Variants in DAP observed in about 807,000 individuals in gnomAD.
DAP encodes death-associated protein 1.
A neutral mutation model predicts 13.8 loss-of-function variants in DAP; 8 were observed. That is an observed-to-expected ratio of 0.58 (90% confidence interval 0.34 to 1.05). The LOEUF is 1.05. DAP is among the 50% of genes least tolerant of loss of function. The pLI, the probability that DAP is intolerant of heterozygous loss-of-function variation, is 0.03. For synonymous variants in DAP, 47 were observed against 47.5 expected, an observed-to-expected ratio of 0.99 and a Z score of 0.04; for missense variants, 106 against 133.2, an observed-to-expected ratio of 0.80 and a Z score of 1.01.
chr5:10,682,406 G>A (rs914781992), intron 3 of DAP, among the ~76,000 whole-genome samples: 6 of 145,590 alleles, frequency 4.1e-5, no homozygotes, highest in African/African-American at 1.5e-4. Context: ...GTTTGTGGGT[G>A]AGGAAGCCCC....
intron 2 of DAP, among the ~76,000 whole-genome samples, chr5:10,700,079 G>C (rs921853322): frequency 6.6e-6 from 1 of 152,212 alleles, no homozygotes; most frequent in African/African-American, 2.4e-5. Flanking sequence ...TGGGGCCCTG[G>C]GTGGGCCCCT....
chr5:10,681,236 C>T (rs767756803), intron 3 of DAP, 67 bp from the exon 4 acceptor site: 17 of 1,280,138 alleles, frequency 1.3e-5, no homozygotes, highest in Admixed American at 8.6e-5. Context: ...TGAGGAAGCC[C>T]CAGGCCAGTG....
intron 2 of DAP, among the ~76,000 whole-genome samples, chr5:10,727,959 C>T (rs772652224): frequency 8.5e-5 from 13 of 152,096 alleles, no homozygotes; most frequent in Non-Finnish European, 1.6e-4. Context: ...GTTTGGGGAA[C>T]AGTGACAAGA....
At chr5:10,710,975 GGAGT>G (rs1386485254) in intron 2 of DAP, among the ~76,000 whole-genome samples, 1 of 152,224 alleles carries the variant, frequency 6.6e-6, no homozygotes, top group East Asian at 1.9e-4. Flanking sequence ...AATTTACCCT[GGAGT>G]GTGTTGTGTG....
chr5:10,733,748 T>G (rs1298365190), intron 2 of DAP: 4 of 152,258 alleles, frequency 2.6e-5, no homozygotes, highest in African/African-American at 9.6e-5. Flanking sequence ...TGCATTCACC[T>G]TTTTTCACCA....
intron 2 of DAP, among the ~76,000 whole-genome samples, chr5:10,731,968 G>T (rs1249065516): frequency 6.6e-6 from 1 of 152,204 alleles, no homozygotes; most frequent in Non-Finnish European, 1.5e-5. Context: ...TCTTCAAGGA[G>T]TCAATGTGTC....
intron 1 of DAP, among the ~76,000 whole-genome samples, chr5:10,750,468 C>T (rs1201097263): frequency 2.0e-5 from 3 of 152,162 alleles, no homozygotes; most frequent in African/African-American, 4.8e-5. Context: ...CTAAAATCTC[C>T]CTGCTGCCCG....
intron 2 of DAP, among the ~76,000 whole-genome samples, chr5:10,739,157 G>A (rs939809842): frequency 3.2e-4 from 38 of 119,944 alleles, no homozygotes; most frequent in Admixed American, 1.6e-3. Context: ...AGCCGAGATC[G>A]CACTACTGCA....
intron 1 of DAP, among the ~76,000 whole-genome samples, chr5:10,750,487 CTCAA>C (rs2111389845): frequency 6.6e-6 from 1 of 152,342 alleles, no homozygotes; most frequent in East Asian, 1.9e-4. Flanking sequence ...CGCACCTCTT[CTCAA>C]CGGAGAGGAC....
intron 2 of DAP, among the ~76,000 whole-genome samples, chr5:10,728,108 T>C (rs1394644497): frequency 6.6e-6 from 1 of 152,230 alleles, no homozygotes; most frequent in Non-Finnish European, 1.5e-5. Context: ...TGACTGTCTA[T>C]GATTAACAGG....
At chr5:10,738,300 C>CAA (rs571922275) in intron 2 of DAP, among the ~76,000 whole-genome samples, 3 of 152,250 alleles carry the variant, frequency 2.0e-5, no homozygotes, top group Non-Finnish European at 4.4e-5. Flanking sequence ...ACACAATACT[C>CAA]ATAGAGTTGC....
intron 2 of DAP, among the ~76,000 whole-genome samples, chr5:10,709,345 C>T (rs945494181): frequency 2.0e-5 from 3 of 152,202 alleles, no homozygotes; most frequent in South Asian, 2.1e-4. Context: ...ATGCTGCAGC[C>T]GTGGAGCTCA....
chr5:10,749,279 TA>T (rs1739985847), intron 1 of DAP, among the ~76,000 whole-genome samples: 1 of 152,218 alleles, frequency 6.6e-6, no homozygotes, highest in Non-Finnish European at 1.5e-5. Flanking sequence ...AACTTACACG[TA>T]AGTTTTTGTA....
chr5:10,680,591 G>A lies in DAP; in HGVS notation c.*465C>T, dbSNP rs1036051953. ...CCTGCCTCTAAGGTCCTTTATGAGG[G>A]GCCGCCCAAACTCATTCCCTTAGTT... On this transcript the variant is annotated 3_prime_UTR_variant, in exon 4 of 4. Transcript: ENST00000230895. The A allele has an allele frequency of 5.3e-5, 43 of 805,552 alleles. No homozygotes were observed. The highest frequency in any genetic ancestry group is 1.3e-4 in the South Asian group (7 of 53,290). The allele number at this position is 805,552 out of a possible 1,614,324, so 49.9% of individuals were successfully genotyped here.
intron 2 of DAP, among the ~76,000 whole-genome samples, chr5:10,726,473 C>T (rs909085509): frequency 2.0e-5 from 3 of 152,238 alleles, no homozygotes; most frequent in African/African-American, 7.2e-5. Flanking sequence ...AATCTGCATT[C>T]TGACCAGATT....
At chr5:10,754,125 G>A (rs972001825) in intron 1 of DAP, among the ~76,000 whole-genome samples, 5 of 152,184 alleles carry the variant, frequency 3.3e-5, no homozygotes, top group African/African-American at 1.2e-4. Flanking sequence ...GGCAAGTGGA[G>A]ACTCACATCT....
At chr5:10,696,895 T>C (rs997603755) in intron 2 of DAP, among the ~76,000 whole-genome samples, 46 of 152,008 alleles carry the variant, frequency 3.0e-4, no homozygotes, top group African/African-American at 1.1e-3. Context: ...CACCAAAGAG[T>C]GGGAATCCCT....
chr5:10,686,834 G>T (rs1738168966), intron 2 of DAP, among the ~76,000 whole-genome samples: 1 of 152,212 alleles, frequency 6.6e-6, no homozygotes, highest in Non-Finnish European at 1.5e-5. Context: ...CTAAACAACA[G>T]ATTTTCAATG....
chr5:10,716,316 G>T (rs146468064), intron 2 of DAP, among the ~76,000 whole-genome samples: 1 of 151,342 alleles, frequency 6.6e-6, no homozygotes, highest in Non-Finnish European at 1.5e-5. Context: ...AAACTCCTTC[G>T]AAGTCTAGAT....
Sources: gnomAD v4.1 joint callset for allele counts (sites outside exome capture counted in the v4.1 genomes callset) on GRCh38, gnomAD v4.1.1 for gene constraint, MANE v1.5 for transcripts, NCBI Gene and HGNC (gene_info 2026-07-23, HGNC 2026-07-21) for gene names.